The following GABBR2 variants were observed in gnomAD, a reference collection of about 807,000 sequenced individuals.
The protein encoded by GABBR2 is gamma-aminobutyric acid type B receptor subunit 2, also known as G-protein coupled receptor 51.
Under a neutral mutation model 105.6 loss-of-function variants are expected in GABBR2, and 23 were observed. The observed-to-expected ratio is 0.22, with a 90% CI of 0.16 to 0.31. GABBR2 has a LOEUF of 0.31. GABBR2 is among the 10% of genes least tolerant of loss of function. The pLI is 1.00. For missense variants in GABBR2, 734 were observed against 1,245.5 expected (o/e 0.59, Z 6.18); for synonymous variants, 478 against 499.7 (o/e 0.96, Z 0.58).
chr9:98,617,382 A>G (rs1829601813), intron 1 of GABBR2, among the ~76,000 whole-genome samples: 1 of 152,166 alleles, frequency 6.6e-6, no homozygotes, highest in African/African-American at 2.4e-5. Flanking sequence ...AAAGGAGTTG[A>G]GGATGTCTAG....
At chr9:98,676,974 T>A (rs1307546151) in intron 1 of GABBR2, among the ~76,000 whole-genome samples, 5 of 152,214 alleles carry the variant, frequency 3.3e-5, no homozygotes. Context: ...AGAAGTCTCT[T>A]GTGATGCAAC....
intron 17 of GABBR2, among the ~76,000 whole-genome samples, chr9:98,298,041 T>TAAAA (rs34384818): frequency 7.5e-6 from 1 of 133,552 alleles, no homozygotes; most frequent in Admixed American, 7.5e-5. Flanking sequence ...GACTCCATCT[T>TAAAA]AAAAAAAAAA....
chr9:98,310,945 G>T, intron 14 of GABBR2, 150 bp downstream of exon 14: 1 of 577,106 alleles, frequency 1.7e-6, no homozygotes, highest in East Asian at 2.9e-5. Flanking sequence ...TGCAGGAACT[G>T]AGATAGCATG....
intron 1 of GABBR2, among the ~76,000 whole-genome samples, chr9:98,593,714 C>T (rs2808540): frequency 0.086 from 13,017 of 152,198 alleles, 1,171 homozygotes; most frequent in East Asian, 0.49. Flanking sequence ...CAGAGCTATC[C>T]CGACAGCTCC....
chr9:98,429,396 C>T (rs1397394591), intron 7 of GABBR2, among the ~76,000 whole-genome samples: 1 of 152,130 alleles, frequency 6.6e-6, no homozygotes, highest in Non-Finnish European at 1.5e-5. Flanking sequence ...CCACCTCAGC[C>T]TCCCAAAGTG....
chr9:98,309,190 T>G (rs946429846), intron 14 of GABBR2, among the ~76,000 whole-genome samples: 1 of 152,258 alleles, frequency 6.6e-6, no homozygotes, highest in African/African-American at 2.4e-5. Context: ...ATAGCTTTTG[T>G]TGACATGAGC....
At chr9:98,427,854 A>G (rs896549583) in intron 7 of GABBR2, among the ~76,000 whole-genome samples, 5 of 152,120 alleles carry the variant, frequency 3.3e-5, no homozygotes, top group Admixed American at 2.6e-4. Context: ...TCCTGTTGAT[A>G]GCCAGCATCC....
chr9:98,377,350 G>A (rs1246676799), intron 11 of GABBR2, among the ~76,000 whole-genome samples: 2 of 152,174 alleles, frequency 1.3e-5, no homozygotes, highest in African/African-American at 2.4e-5. Flanking sequence ...CCATGTGATT[G>A]CAGCTGTTGA....
intron 1 of GABBR2, among the ~76,000 whole-genome samples, chr9:98,583,366 T>C (rs1156719961): frequency 1.3e-5 from 2 of 152,338 alleles, no homozygotes; most frequent in East Asian, 3.9e-4. Context: ...AGTCAGCCCC[T>C]CAGGGGCGTA....
chr9:98,597,017 GC>G (rs1829246935), intron 1 of GABBR2, among the ~76,000 whole-genome samples: 1 of 152,042 alleles, frequency 6.6e-6, no homozygotes, highest in African/African-American at 2.4e-5. Flanking sequence ...AGCTGATAAG[GC>G]CCACCCCTAT....
At chr9:98,303,164 G>A in intron 16 of GABBR2, 77 bp downstream of exon 16, 1 of 1,201,944 alleles carries the variant, frequency 8.3e-7, no homozygotes, top group East Asian at 2.4e-5. Flanking sequence ...GTCTAGAGGA[G>A]CCTGAGAGTC....
chr9:98,464,433 G>A (rs1486239912), intron 6 of GABBR2, among the ~76,000 whole-genome samples: 16 of 144,436 alleles, frequency 1.1e-4, no homozygotes, highest in African/African-American at 2.9e-4. Context: ...GCCTCTGGCC[G>A]GCTGCCCCAA....
intron 4 of GABBR2, among the ~76,000 whole-genome samples, chr9:98,481,629 C>T (rs1261572109): frequency 6.6e-6 from 1 of 152,162 alleles, no homozygotes; most frequent in African/African-American, 2.4e-5. Context: ...CCTCTGGTCG[C>T]TCCTTTTCCA....
chr9:98,569,360 T>A (rs148918027), intron 2 of GABBR2, among the ~76,000 whole-genome samples: 1 of 152,256 alleles, frequency 6.6e-6, no homozygotes, highest in African/African-American at 2.4e-5. Context: ...AGAGCCCCCA[T>A]TCCATCCCTG....
chr9:98,659,829 C>T (rs570876141), intron 1 of GABBR2, among the ~76,000 whole-genome samples: 24 of 151,754 alleles, frequency 1.6e-4, no homozygotes, highest in Non-Finnish European at 3.1e-4. Flanking sequence ...CCTAAACAAC[C>T]GTTTTAAAAA....
chr9:98,551,326 C>T (rs994104298), intron 2 of GABBR2, among the ~76,000 whole-genome samples: 4 of 152,120 alleles, frequency 2.6e-5, no homozygotes, highest in Admixed American at 1.3e-4. Context: ...TCGCTTAAAC[C>T]CAGGAAGAAG....
chr9:98,648,156 G>GATAGAT (rs1293714927), intron 1 of GABBR2, among the ~76,000 whole-genome samples: 1 of 148,956 alleles, frequency 6.7e-6, no homozygotes, highest in Non-Finnish European at 1.5e-5. Flanking sequence ...TAGATAGATA[G>GATAGAT]AGTCTTACTC....
intron 3 of GABBR2, among the ~76,000 whole-genome samples, chr9:98,541,551 T>G (rs556109293): frequency 1.3e-5 from 2 of 150,974 alleles, no homozygotes; most frequent in Admixed American, 1.3e-4. Flanking sequence ...GGTAGAACTT[T>G]GTGATCTTAG....
At chr9:98,620,492 T>C (rs543241205) in intron 1 of GABBR2, among the ~76,000 whole-genome samples, 16 of 152,292 alleles carry the variant, frequency 1.1e-4, no homozygotes, top group African/African-American at 3.8e-4. Flanking sequence ...TTTTAAATCC[T>C]AGATTTAAAA....
Sources: gnomAD v4.1 joint callset for allele counts (sites outside exome capture counted in the v4.1 genomes callset) on GRCh38, gnomAD v4.1.1 for gene constraint, MANE v1.5 for transcripts, NCBI Gene and HGNC (gene_info 2026-07-23, HGNC 2026-07-21) for gene names.